The following BTNL8 variants were observed in gnomAD, a reference collection of about 807,000 sequenced individuals.
The protein encoded by BTNL8 is butyrophilin-like protein 8.
In BTNL8, 22 loss-of-function variants were observed where a neutral mutation model predicts 36.1. The observed-to-expected ratio is 0.61, with a 90% confidence interval of 0.44 to 0.87. BTNL8 has a LOEUF of 0.87. BTNL8 is among the 40% of genes least tolerant of loss of function. The pLI, the probability that BTNL8 is intolerant of heterozygous loss-of-function variation, is 0.00. For synonymous variants in BTNL8, 203 were observed against 235.6 expected (o/e 0.86, Z 1.27); for missense variants, 526 against 616.9 (o/e 0.85, Z 1.56).
intron 3 of BTNL8, among the ~76,000 whole-genome samples, chr5:180,934,111 A>C (rs942495686): frequency 6.6e-6 from 1 of 152,246 alleles, no homozygotes; most frequent in Non-Finnish European, 1.5e-5. Flanking sequence ...AGTATGATTT[A>C]ACCCTAGGAT....
At chr5:180,913,726 G>A (rs1350713211) in intron 3 of BTNL8, among the ~76,000 whole-genome samples, 1 of 152,154 alleles carries the variant, frequency 6.6e-6, no homozygotes. Context: ...ATGCTGTTAG[G>A]AGCCTTTGCC....
chr5:180,947,674 C>T, intron 4 of BTNL8, 49 bp downstream of exon 4: 1 of 1,614,166 alleles, frequency 6.2e-7, no homozygotes, highest in Non-Finnish European at 8.5e-7. Context: ...ATGGTTCCAG[C>T]AGGGACAGGA....
At chr5:180,924,058 C>T (rs1237296356) in intron 3 of BTNL8, among the ~76,000 whole-genome samples, 4 of 152,178 alleles carry the variant, frequency 2.6e-5, no homozygotes, top group African/African-American at 7.2e-5. Context: ...CCTTACTCAG[C>T]GTGGGAGGCA....
At chr5:180,925,108 A>T (rs893649575) in intron 3 of BTNL8, among the ~76,000 whole-genome samples, 8 of 152,186 alleles carry the variant, frequency 5.3e-5, no homozygotes, top group African/African-American at 1.7e-4. Flanking sequence ...TCAGAGAATA[A>T]AAAAGAAAAA....
intron 2 of BTNL8, chr5:180,909,975 A>G (rs1757315448): frequency 6.6e-6 from 1 of 152,312 alleles, no homozygotes; most frequent in East Asian, 1.9e-4. Flanking sequence ...GATGATAGGC[A>G]ATTTTCAAAA....
chr5:180,910,793 C>T (rs2113781789), intron 2 of BTNL8, among the ~76,000 whole-genome samples: 1 of 152,334 alleles, frequency 6.6e-6, no homozygotes, highest in African/African-American at 2.4e-5. Context: ...CTCCTCCCTA[C>T]ACCTCCTCCT....
intron 3 of BTNL8, among the ~76,000 whole-genome samples, chr5:180,926,119 G>A (rs1292256047): frequency 6.6e-6 from 1 of 152,144 alleles, no homozygotes; most frequent in African/African-American, 2.4e-5. Flanking sequence ...TTCCAACTGA[G>A]GTACCTGGCT....
At position 180,950,359 on chromosome 5, in the gene BTNL8, T is replaced by C. The variant is rs767055822; in HGVS notation, c.1318T>C (p.Leu440=). The change falls in exon 8 of 8, where the codon TTG becomes CTG. Residue 440 remains leucine (L), a synonymous_variant. Coordinates refer to ENST00000340184, the MANE Select transcript of BTNL8 (RefSeq NM_001040462.3). ...YTLTCRFEGL[L]RPYIEYPSYN... is the part of the protein sequence containing the mutation. ...CCTGACATGTCGGTTTGAAGGCTTA[T>C]TGAGGCCCTACATTGAGTATCCGTC... 20 of 1,463,324 alleles carry C rather than the reference T, an allele frequency of 1.4e-5. 5 individuals carry two copies. The Admixed American group carries it at 2.6e-4, about 19-fold the overall frequency. 90.6% of individuals were successfully genotyped at this position (1,463,324 alleles called of 1,614,324 possible). A position where few individuals can be genotyped will look rare whatever the true frequency, so the allele number is the denominator to read the frequency against.
chr5:180,911,678 A>AAGAAATGAGATTCAGAAAGTTGAAATGG, intron 3 of BTNL8, 64 bp downstream of exon 3: 1 of 1,431,904 alleles, frequency 7.0e-7, no homozygotes, highest in Non-Finnish European at 9.5e-7. Flanking sequence ...GAGGGAGGAC[A>AAGAAATGAGATTCAGAAAGTTGAAATGG]GGAGCCTCCA....
intron 3 of BTNL8, chr5:180,945,687 T>C (rs1212222825): frequency 3.2e-6 from 1 of 316,784 alleles, no homozygotes. Flanking sequence ...TACATTTAAG[T>C]GGACAACAGG....
intron 3 of BTNL8, among the ~76,000 whole-genome samples, chr5:180,924,819 T>C (rs1022257531): frequency 1.3e-5 from 2 of 152,100 alleles, no homozygotes; most frequent in African/African-American, 4.8e-5. Flanking sequence ...GACCCTGAAA[T>C]ATGCAAGTCT....
At chr5:180,948,440 G>A in intron 5 of BTNL8, 65 bp downstream of exon 5, 4 of 1,597,034 alleles carry the variant, frequency 2.5e-6, no homozygotes, top group Non-Finnish European at 3.4e-6. Flanking sequence ...CTGATCCACA[G>A]TTTGAGCCTC....
At chr5:180,931,696 A>G (rs1758391933) in intron 3 of BTNL8, among the ~76,000 whole-genome samples, 1 of 152,066 alleles carries the variant, frequency 6.6e-6, no homozygotes, top group Non-Finnish European at 1.5e-5. Context: ...GTGGCCAACA[A>G]ACGTGAAAAA....
intron 3 of BTNL8, among the ~76,000 whole-genome samples, chr5:180,927,875 G>T (rs1758175759): frequency 6.6e-6 from 1 of 152,184 alleles, no homozygotes. Context: ...ACATGAAAGT[G>T]ACGGGGAGAA....
At position 180,899,187 on chromosome 5, in the gene BTNL8, G is replaced by C; in HGVS notation, c.-124G>C. On this transcript the variant is annotated 5_prime_UTR_variant, in exon 1 of 8. Coordinates refer to ENST00000340184, the MANE Select transcript of BTNL8 (RefSeq NM_001040462.3). ...ACAGCGCAGTTTGCCCTCCGCTCAC[G>C]CAGAGCCTCTCCGTGGCTTCCGCAC... 1 of 1,149,984 alleles carries C rather than the reference G, an allele frequency of 8.7e-7. No individual in the cohort carries two copies. The allele number at this position is 1,149,984 out of a possible 1,614,324, so 71.2% of individuals were successfully genotyped here.
At chr5:180,942,367 C>T (rs7736815) in intron 3 of BTNL8, among the ~76,000 whole-genome samples, 5,959 of 152,142 alleles carry the variant, frequency 0.039, 402 homozygotes, top group African/African-American at 0.14. Context: ...CCACACTACC[C>T]AAAGTGATCT....
intron 1 of BTNL8, among the ~76,000 whole-genome samples, chr5:180,907,694 G>C (rs1225348185): frequency 6.6e-6 from 1 of 151,984 alleles, no homozygotes; most frequent in Non-Finnish European, 1.5e-5. Context: ...TGTACAGATG[G>C]GTTTTTGGTG....
In BTNL8 at chr5:180,946,658, G is replaced by A. The variant is rs150374782; in HGVS notation, c.674-854G>A. On this transcript the variant is annotated intron_variant, in intron 3 of 7. Coordinates refer to ENST00000340184, the MANE Select transcript of BTNL8 (RefSeq NM_001040462.3). ...GTTGGTCAAAGGGTGCAAAGATTGAGATAGACAAGAGGAATATGTTTTGAA... is the reference window on the plus strand; with the variant it reads ...GTTGGTCAAAGGGTGCAAAGATTGAAATAGACAAGAGGAATATGTTTTGAA... Among the ~76,000 whole-genome samples, 3 of 152,308 alleles carry A rather than the reference G, an allele frequency of 2.0e-5. No homozygotes were observed. In the South Asian group the frequency reaches 6.2e-4, roughly 32 times the overall value.
intron 3 of BTNL8, chr5:180,945,628 AC>A: frequency 4.0e-6 from 1 of 247,464 alleles, no homozygotes; most frequent in Admixed American, 3.8e-5. Context: ...AAAACAAATA[AC>A]CTGATCTTAA....
Sources: gnomAD v4.1 joint callset for allele counts (sites outside exome capture counted in the v4.1 genomes callset) on GRCh38, gnomAD v4.1.1 for gene constraint, MANE v1.5 for transcripts, NCBI Gene and HGNC (gene_info 2026-07-23, HGNC 2026-07-21) for gene names.